Variants in SEMA5A observed in about 807,000 individuals in gnomAD.
SEMA5A encodes semaphorin 5A.
SEMA5A carries 55 observed loss-of-function variants against 135.5 expected under a neutral mutation model. The ratio of observed to expected loss-of-function variants is 0.41; its 90% confidence interval spans 0.33 to 0.51. The LOEUF is 0.51. Among genes scored for constraint, SEMA5A ranks in the 20% least tolerant of loss-of-function variants. The pLI, the probability that SEMA5A is intolerant of heterozygous loss-of-function variation, is 0.37. For synonymous variants in SEMA5A, 580 were observed against 546.5 expected (o/e 1.06, Z -0.85); for missense variants, 1,290 against 1,419.9 (o/e 0.91, Z 1.47).
chr5:9,455,302 C>CT (rs1213001972), intron 1 of SEMA5A, among the ~76,000 whole-genome samples: 1 of 151,612 alleles, frequency 6.6e-6, no homozygotes, highest in African/African-American at 2.4e-5. Flanking sequence ...GTCACCCAGA[C>CT]TGGAGTGCAG....
intron 11 of SEMA5A, among the ~76,000 whole-genome samples, chr5:9,174,500 C>T (rs1389392799): frequency 6.6e-6 from 1 of 152,192 alleles, no homozygotes; most frequent in Non-Finnish European, 1.5e-5. Flanking sequence ...TCGTCTGTAA[C>T]ACCATTGTTA....
intron 11 of SEMA5A, among the ~76,000 whole-genome samples, chr5:9,166,922 G>C (rs1743641490): frequency 6.6e-6 from 1 of 152,136 alleles, no homozygotes; most frequent in African/African-American, 2.4e-5. Context: ...CACCCAGTTG[G>C]TAAGGTTGGC....
intron 1 of SEMA5A, among the ~76,000 whole-genome samples, chr5:9,441,697 C>T (rs1004630692): frequency 5.9e-5 from 9 of 152,178 alleles, no homozygotes; most frequent in African/African-American, 2.2e-4. Context: ...GGTGGCAGGC[C>T]AAGGAGCAGG....
At chr5:9,483,296 T>G (rs1322195528) in intron 1 of SEMA5A, among the ~76,000 whole-genome samples, 1 of 152,022 alleles carries the variant, frequency 6.6e-6, no homozygotes, top group Non-Finnish European at 1.5e-5. Context: ...CCTTACCCCC[T>G]CTCCCTCACT....
At chr5:9,198,979 C>G (rs1274314596) in intron 9 of SEMA5A, among the ~76,000 whole-genome samples, 1 of 152,096 alleles carries the variant, frequency 6.6e-6, no homozygotes, top group African/African-American at 2.4e-5. Context: ...CCTACAGATC[C>G]TGAGAAGACC....
intron 1 of SEMA5A, among the ~76,000 whole-genome samples, chr5:9,532,053 C>A (rs954657437): frequency 6.6e-6 from 1 of 152,178 alleles, no homozygotes; most frequent in African/African-American, 2.4e-5. Flanking sequence ...TTTTATCAAC[C>A]TGAAGGCAGT....
chr5:9,149,863 G>C (rs1249248320), intron 12 of SEMA5A, among the ~76,000 whole-genome samples: 2 of 152,314 alleles, frequency 1.3e-5, no homozygotes, highest in East Asian at 3.9e-4. Flanking sequence ...TTACAGAGGT[G>C]GGAAGCCTAT....
intron 11 of SEMA5A, among the ~76,000 whole-genome samples, chr5:9,185,394 A>G (rs1307561461): frequency 6.6e-5 from 10 of 152,200 alleles, no homozygotes; most frequent in African/African-American, 1.9e-4. Flanking sequence ...ATATTCATCT[A>G]TTAGCTGCCC....
chr5:9,483,335 A>ATCCTTT, intron 1 of SEMA5A, among the ~76,000 whole-genome samples: 1 of 152,038 alleles, frequency 6.6e-6, no homozygotes, highest in Non-Finnish European at 1.5e-5. Flanking sequence ...TAAGGGAAAG[A>ATCCTTT]TTTCTCGTCC....
intron 1 of SEMA5A, among the ~76,000 whole-genome samples, chr5:9,481,652 T>G (rs1287124390): frequency 1.8e-4 from 28 of 152,218 alleles, no homozygotes; most frequent in Non-Finnish European, 4.4e-5. Context: ...TTTCCCTTTC[T>G]TGCTCTCCTT....
At chr5:9,209,331 A>G (rs1805966) in intron 8 of SEMA5A, among the ~76,000 whole-genome samples, 76,379 of 151,984 alleles carry the variant, frequency 0.5, 19,311 homozygotes, top group South Asian at 0.62. Flanking sequence ...GTTATATATC[A>G]TTTCATGAAT....
intron 1 of SEMA5A, among the ~76,000 whole-genome samples, chr5:9,524,407 C>T (rs1209253824): frequency 6.6e-6 from 1 of 152,136 alleles, no homozygotes; most frequent in Non-Finnish European, 1.5e-5. Context: ...GGCAGAGACA[C>T]ACAGGGAGCA....
At chr5:9,379,123 T>C (rs1171576726) in intron 3 of SEMA5A, among the ~76,000 whole-genome samples, 1 of 152,162 alleles carries the variant, frequency 6.6e-6, no homozygotes, top group East Asian at 1.9e-4. Flanking sequence ...AAGTGTTTGA[T>C]ACAAAGTTTT....
intron 1 of SEMA5A, among the ~76,000 whole-genome samples, chr5:9,534,590 G>T (rs1250707541): frequency 6.6e-6 from 1 of 152,114 alleles, no homozygotes; most frequent in Non-Finnish European, 1.5e-5. Context: ...GTACCAGAAA[G>T]CGGTCCCGAT....
intron 1 of SEMA5A, among the ~76,000 whole-genome samples, chr5:9,515,333 A>C (rs1736448967): frequency 6.6e-6 from 1 of 152,152 alleles, no homozygotes; most frequent in African/African-American, 2.4e-5. Flanking sequence ...GAAGTCAAAA[A>C]CTGTAAGTCC....
chr5:9,247,775 T>A (rs534006406), intron 5 of SEMA5A, among the ~76,000 whole-genome samples: 1 of 152,242 alleles, frequency 6.6e-6, no homozygotes, highest in South Asian at 2.1e-4. Flanking sequence ...TACAAAAAAA[T>A]GAACACGAAA....
At chr5:9,425,859 T>C (rs1344981286) in intron 2 of SEMA5A, among the ~76,000 whole-genome samples, 1 of 152,200 alleles carries the variant, frequency 6.6e-6, no homozygotes, top group Non-Finnish European at 1.5e-5. Context: ...GTAAAACACA[T>C]GCTGCATTAA....
At chr5:9,533,130 A>G (rs1031681185) in intron 1 of SEMA5A, among the ~76,000 whole-genome samples, 1 of 152,242 alleles carries the variant, frequency 6.6e-6, no homozygotes, top group African/African-American at 2.4e-5. Flanking sequence ...GAACACGCCA[A>G]TTCGTCTGAG....
intron 11 of SEMA5A, among the ~76,000 whole-genome samples, chr5:9,170,245 TG>T (rs895693434): frequency 2.0e-5 from 3 of 152,194 alleles, no homozygotes; most frequent in Admixed American, 2.0e-4. Context: ...GTGACTCATT[TG>T]CAAGAAATGT....
Sources: allele counts gnomAD v4.1 joint callset (sites outside exome capture counted in the v4.1 genomes callset), GRCh38; gene constraint gnomAD v4.1.1; transcripts MANE v1.5; gene names NCBI Gene and HGNC (gene_info 2026-07-23, HGNC 2026-07-21).